The following FAM131B variants were observed in gnomAD, a reference collection of about 807,000 sequenced individuals.
FAM131B encodes protein FAM131B.
A neutral mutation model predicts 42.0 loss-of-function variants in FAM131B; 19 were observed. That is an observed-to-expected ratio of 0.45 (90% CI 0.32 to 0.66). FAM131B has a LOEUF of 0.66. FAM131B is among the 30% of genes least tolerant of loss of function. The pLI is 0.05. For synonymous variants in FAM131B, 183 were observed against 177.6 expected, an observed-to-expected ratio of 1.03 and a Z score of -0.24; for missense variants, 370 against 468.4, an observed-to-expected ratio of 0.79 and a Z score of 1.94.
At chr7:143,372,842 C>A in the FAM131B span, among the ~76,000 whole-genome samples, 5 of 151,948 alleles carry the variant, frequency 3.3e-5, no homozygotes, top group Admixed American at 2.6e-4. Context: ...ACCTGTAATC[C>A]CACCTACTTG....
In FAM131B at chr7:143,362,128, G is replaced by T; in HGVS notation, c.28+448C>A. On this transcript the variant is annotated intron_variant, in intron 1 of 6. Coordinates refer to ENST00000443739, the MANE Select transcript of FAM131B (RefSeq NM_001031690.3). The surrounding 1 kb of genome is among the most constrained non-coding windows in gnomAD (Gnocchi z 7.7). ...TGGAGGCGGCGGCGGGGGGTGGCGTGGGGGGCGTGCGAAAGAAACTCGGGG... is the reference window on the plus strand; with the variant it reads ...TGGAGGCGGCGGCGGGGGGTGGCGTTGGGGGCGTGCGAAAGAAACTCGGGG... 2 of 736,950 alleles carry T rather than the reference G, an allele frequency of 2.7e-6. No individual in the cohort carries two copies. The highest frequency in any genetic ancestry group is 3.3e-6 in the Non-Finnish European group (2 of 601,818). 45.7% of individuals were successfully genotyped at this position (736,950 alleles called of 1,614,324 possible).
At position 143,362,148 on chromosome 7, in the gene FAM131B, T is replaced by G; in HGVS notation, c.28+428A>C. 4.1e-6 allele frequency: 2 copies of G among 492,306 alleles called. No individual in the cohort carries two copies. The highest frequency in any genetic ancestry group is 5.3e-6 in the Non-Finnish European group (2 of 378,222). 30.5% of individuals were successfully genotyped at this position (492,306 alleles called of 1,614,324 possible). Reference sequence around the variant, plus strand: ...GGCGTGGGGGGCGTGCGAAAGAAACTCGGGGCTGGCGCGGAGGCCGAGGGT... The same window carrying G: ...GGCGTGGGGGGCGTGCGAAAGAAACGCGGGGCTGGCGCGGAGGCCGAGGGT... On this transcript the variant is annotated intron_variant, in intron 1 of 6. Coordinates refer to ENST00000443739, the MANE Select transcript of FAM131B (RefSeq NM_001031690.3). The surrounding 1 kb of genome is among the most constrained non-coding windows in gnomAD (Gnocchi z 7.7).
chr7:143,381,731 C>G, the FAM131B span: 1 of 1,599,060 alleles, frequency 6.3e-7, no homozygotes, highest in African/African-American at 1.3e-5. Context: ...CGGGGCCCAG[C>G]GCGCACAGAT....
At chr7:143,371,344 G>T in the FAM131B span, among the ~76,000 whole-genome samples, 2 of 152,118 alleles carry the variant, frequency 1.3e-5, no homozygotes, top group African/African-American at 4.8e-5. Flanking sequence ...AGGCGTGGTG[G>T]CTCATGCCTG....
the FAM131B span, among the ~76,000 whole-genome samples, chr7:143,376,771 C>T: frequency 6.6e-6 from 1 of 152,214 alleles, no homozygotes; most frequent in East Asian, 1.9e-4. Context: ...TGGGAAGCTG[C>T]AGGCCGAGTG....
In FAM131B at chr7:143,362,067, A is replaced by AGG. The variant is rs1804026878; in HGVS notation, c.28+507_28+508dup. On this transcript the variant is annotated intron_variant, in intron 1 of 6. Coordinates refer to ENST00000443739, the MANE Select transcript of FAM131B (RefSeq NM_001031690.3). This position sits in a 1 kb window ranked among gnomAD's most constrained non-coding sequence, Gnocchi z 7.7. Reference sequence around the variant, plus strand: ...GGAACGACAGTAAAAGGCAACGGAGAGGGAGAGAGAGATGGGGCAAAGCAC... The same window carrying AGG: ...GGAACGACAGTAAAAGGCAACGGAGAGGGGGAGAGAGAGATGGGGCAAAGCAC... 1.0e-6 allele frequency: 1 copy of AGG among 984,694 alleles called. No homozygotes were observed. Among genetic ancestry groups the AGG allele is most frequent in the Non-Finnish European group, 1.2e-6 (1 of 829,390 alleles). 61.0% of individuals were successfully genotyped at this position (984,694 alleles called of 1,614,324 possible). A position where few individuals can be genotyped will look rare whatever the true frequency, so the allele number is the denominator to read the frequency against.
chr7:143,381,365 G>A, the FAM131B span: 4 of 1,158,784 alleles, frequency 3.5e-6, no homozygotes, highest in Non-Finnish European at 4.3e-6. Context: ...CGGACCCGGC[G>A]CCGAGGCGGC....
rs1803675409 is a variant in FAM131B, at chr7:143,356,761, AC to A, written c.871del (p.Val291Ter). 2 of 1,612,940 alleles carry A rather than the reference AC, an allele frequency of 1.2e-6. No homozygotes were observed. Among genetic ancestry groups the A allele is most frequent in the Non-Finnish European group, 1.7e-6 (2 of 1,179,832 alleles). On this transcript the variant is annotated frameshift_variant, in exon 7 of 7. Coordinates refer to ENST00000443739, the MANE Select transcript of FAM131B (RefSeq NM_001031690.3). LOFTEE classifies it high-confidence loss of function. This position sits in a 1 kb window ranked among gnomAD's most constrained non-coding sequence, Gnocchi z 4.4. Reference protein sequence around the residue: ...LGGDTDWAPGVGAVDLARGPA... With the variant: ...LGGDTDWAPGXGAVDLARGPA... Reference sequence around the variant, plus strand: ...GCCCCTTGCCAGGTCCACTGCGCCTACCCCCGGAGCCCAGTCAGTGTCTCCC... The same window carrying A: ...GCCCCTTGCCAGGTCCACTGCGCCTACCCCGGAGCCCAGTCAGTGTCTCCC...
Position 143,357,326 on chromosome 7 carries a change from C to T in FAM131B, c.564G>A (p.Leu188=). ...DMSVNSTQEP[L]GCNYSDNYQE... is the part of the protein sequence containing the mutation. ...GGTAGTTGTCACTGTAGTTGCAGCCCAATGGCTCCTGGGTGGAGTTCACAC... is the reference window on the plus strand; with the variant it reads ...GGTAGTTGTCACTGTAGTTGCAGCCTAATGGCTCCTGGGTGGAGTTCACAC... Residue 188 remains leucine (L), a synonymous_variant, in exon 6 of 7, where the codon TTG becomes TTA. Transcript: ENST00000443739. The T allele has an allele frequency of 6.2e-7, 1 of 1,614,012 alleles. No individual in the cohort carries two copies. The highest frequency in any genetic ancestry group is 8.5e-7 in the Non-Finnish European group (1 of 1,179,908).
At chr7:143,360,265 T>A in intron 1 of FAM131B, 116 bp from the exon 2 acceptor site, 1 of 1,491,210 alleles carries the variant, frequency 6.7e-7, no homozygotes, top group Non-Finnish European at 8.9e-7. Flanking sequence ...TCCTCTTATA[T>A]CCCTGCACTC....
At chr7:143,365,630 G>T (rs936506815), upstream of FAM131B, among the ~76,000 whole-genome samples, 4 of 152,094 alleles carry the variant, frequency 2.6e-5, no homozygotes, top group African/African-American at 9.7e-5. Flanking sequence ...TTGAGACAGG[G>T]TCTCACGCTT....
chr7:143,355,708 G>A lies in FAM131B; in HGVS notation c.*842C>T, dbSNP rs1455392840. The A allele has an allele frequency of 6.5e-6, 1 of 152,686 alleles. No individual in the cohort carries two copies. The highest frequency in any genetic ancestry group is 2.4e-5 in the African/African-American group (1 of 41,460). The allele number at this position is 152,686 out of a possible 1,614,324, so 9.5% of individuals were successfully genotyped here. Reference sequence around the variant, plus strand: ...CCCACACCCTCCTCAGGCTCCCGGAGCAGGGATGGAAGAAAGCTGAAAGGG... The same window carrying A: ...CCCACACCCTCCTCAGGCTCCCGGAACAGGGATGGAAGAAAGCTGAAAGGG... On this transcript the variant is annotated 3_prime_UTR_variant, in exon 7 of 7. Transcript: ENST00000443739. The surrounding 1 kb of genome is among the most constrained non-coding windows in gnomAD (Gnocchi z 4.1).
the FAM131B span, chr7:143,381,234 C>T: frequency 4.9e-6 from 5 of 1,015,046 alleles, no homozygotes; most frequent in Admixed American, 1.8e-4. Flanking sequence ...CCTCTCCGGG[C>T]CGCTCCTTGT....
At chr7:143,379,141 TAAG>T in the FAM131B span, among the ~76,000 whole-genome samples, 6 of 152,236 alleles carry the variant, frequency 3.9e-5, no homozygotes, top group Non-Finnish European at 5.9e-5. Context: ...GCACATTACT[TAAG>T]GAGACATTTA....
chr7:143,359,465 G>A lies in FAM131B; in HGVS notation c.175-46C>T, dbSNP rs770780845. On this transcript the variant is annotated intron_variant, in intron 3 of 6. Coordinates refer to ENST00000443739, the MANE Select transcript of FAM131B (RefSeq NM_001031690.3). This position sits in a 1 kb window ranked among gnomAD's most constrained non-coding sequence, Gnocchi z 5.4. The stretch of plus-strand genomic sequence containing the variant: ...GAAGGGCAGAGGAATAAGAAGGTAC[G>A]GGCGTGCTTTATACATGGAGGAGGT... The A allele has an allele frequency of 1.0e-5, 15 of 1,453,804 alleles. No homozygotes were observed. The highest frequency in any genetic ancestry group is 1.4e-5 in the African/African-American group (1 of 71,824). 90.1% of individuals were successfully genotyped at this position (1,453,804 alleles called of 1,614,324 possible). A position where few individuals can be genotyped will look rare whatever the true frequency, so the allele number is the denominator to read the frequency against.
chr7:143,381,550 A>C, the FAM131B span: 40 of 1,603,832 alleles, frequency 2.5e-5, no homozygotes, highest in Non-Finnish European at 3.3e-5. Context: ...CCGGCGACCC[A>C]CCCCAGCAGC....
At chr7:143,382,136 C>A in the FAM131B span, 61 of 938,916 alleles carry the variant, frequency 6.5e-5, no homozygotes, top group Non-Finnish European at 9.0e-5. Context: ...TCCCCACACG[C>A]TCTGGGACCC....
In FAM131B at chr7:143,353,576, G is replaced by C. The variant is rs1803516042; in HGVS notation, c.*2974C>G. On this transcript the variant is annotated 3_prime_UTR_variant, in exon 7 of 7. Transcript: ENST00000443739. ...TCTAATATTTATATATATTGATATA[G>C]AATTCTCTCTATAATATATGTCATA... The C allele has an allele frequency of 6.6e-6, 1 of 152,504 alleles. No individual in the cohort carries two copies. The highest frequency in any genetic ancestry group is 2.4e-5 in the African/African-American group (1 of 41,386). 9.4% of individuals were successfully genotyped at this position (152,504 alleles called of 1,614,324 possible). A position where few individuals can be genotyped will look rare whatever the true frequency, so the allele number is the denominator to read the frequency against.
the FAM131B span, chr7:143,380,254 TAGA>T: frequency 4.3e-6 from 4 of 932,786 alleles, no homozygotes; most frequent in Non-Finnish European, 5.1e-6. The surrounding 1 kb of genome is among the most constrained non-coding windows in gnomAD (Gnocchi z 5.0). Flanking sequence ...AAAAAAGAAC[TAGA>T]AGAATTACCC....
Sources: gnomAD v4.1 joint callset for allele counts (sites outside exome capture counted in the v4.1 genomes callset) on GRCh38, gnomAD v4.1.1 for gene constraint, Gnocchi (gnomAD v3.1) non-coding constraint, MANE v1.5 for transcripts, NCBI Gene and HGNC (gene_info 2026-07-23, HGNC 2026-07-21) for gene names.